GABBR2: variants seen among roughly 807,000 people sequenced by gnomAD.
GABBR2 encodes the protein gamma-aminobutyric acid type B receptor subunit 2.
GABBR2 carries 23 observed loss-of-function variants against 105.6 expected under a neutral mutation model. The ratio of observed to expected loss-of-function variants is 0.22; its 90% CI spans 0.16 to 0.31. The LOEUF is 0.31. GABBR2 is among the 10% of genes least tolerant of loss of function. GABBR2 has a pLI of 1.00. For synonymous variants in GABBR2, 478 were observed against 499.7 expected (o/e 0.96, Z 0.58); for missense variants, 734 against 1,245.5 (o/e 0.59, Z 6.18).
intron 1 of GABBR2, among the ~76,000 whole-genome samples, chr9:98,606,662 TAG>T (rs1219031733): frequency 2.0e-5 from 3 of 151,974 alleles, no homozygotes; most frequent in African/African-American, 7.2e-5. Context: ...GTATTTTTAG[TAG>T]AGACAGGATT....
intron 1 of GABBR2, among the ~76,000 whole-genome samples, chr9:98,699,286 G>C (rs1243869943): frequency 6.6e-6 from 1 of 152,138 alleles, no homozygotes; most frequent in African/African-American, 2.4e-5. Context: ...ATATTTGTCA[G>C]AGACGAAGAA....
At chr9:98,313,898 A>G (rs1361237972) in intron 13 of GABBR2, among the ~76,000 whole-genome samples, 2 of 152,020 alleles carry the variant, frequency 1.3e-5, no homozygotes, top group Non-Finnish European at 2.9e-5. Flanking sequence ...GAGGTGGGGG[A>G]AAGATGGTGC....
chr9:98,568,014 G>T (rs978446695), intron 2 of GABBR2, among the ~76,000 whole-genome samples: 6 of 152,174 alleles, frequency 3.9e-5, no homozygotes, highest in African/African-American at 1.4e-4. Context: ...ATGAATGATT[G>T]GATGGATGGA....
Position 98,550,555 on chromosome 9 carries a change from A to C in GABBR2, c.460-8512T>G, listed in dbSNP as rs573137014. Among the ~76,000 whole-genome samples the C allele has an allele frequency of 2.0e-5, 3 of 152,298 alleles. No homozygotes were observed. The East Asian group carries it at 5.8e-4, about 29-fold the overall frequency. On this transcript the variant is annotated intron_variant, in intron 2 of 18. Transcript: ENST00000259455. ...ACCACAGCCCCTCAGAAATGATACA[A>C]GCCCCTCAGTCTGAATCCCAGAGAC...
At chr9:98,373,729 T>C (rs1449643502) in intron 11 of GABBR2, among the ~76,000 whole-genome samples, 2 of 152,126 alleles carry the variant, frequency 1.3e-5, no homozygotes, top group Admixed American at 1.3e-4. Flanking sequence ...CAAATGACCA[T>C]ATACAGACCA....
intron 11 of GABBR2, among the ~76,000 whole-genome samples, chr9:98,373,105 G>C (rs10986044): frequency 0.067 from 10,211 of 152,056 alleles, 725 homozygotes; most frequent in African/African-American, 0.17. Context: ...TACAAAACAG[G>C]GAGGGGGAAA....
chr9:98,427,862 T>C (rs192849358), intron 7 of GABBR2, among the ~76,000 whole-genome samples: 1 of 152,140 alleles, frequency 6.6e-6, no homozygotes. Context: ...ATAGCCAGCA[T>C]CCACTTGCCA....
At chr9:98,525,010 TAACTC>T (rs1376253819) in intron 3 of GABBR2, among the ~76,000 whole-genome samples, 1 of 152,144 alleles carries the variant, frequency 6.6e-6, no homozygotes, top group Non-Finnish European at 1.5e-5. Flanking sequence ...ATATAAAAGT[TAACTC>T]AAAAGAGATC....
chr9:98,588,751 C>A (rs2131792905), intron 1 of GABBR2, among the ~76,000 whole-genome samples: 1 of 152,178 alleles, frequency 6.6e-6, no homozygotes, highest in Admixed American at 6.5e-5. Context: ...CTCCCCCCGA[C>A]AATTAGGTGT....
intron 14 of GABBR2, among the ~76,000 whole-genome samples, chr9:98,308,683 G>A (rs1214859597): frequency 1.3e-5 from 2 of 152,160 alleles, no homozygotes; most frequent in Non-Finnish European, 2.9e-5. Flanking sequence ...CACAAGCCAA[G>A]GCATGCCTGG....
intron 3 of GABBR2, among the ~76,000 whole-genome samples, chr9:98,531,984 C>A (rs999654378): frequency 1.3e-5 from 2 of 152,164 alleles, no homozygotes; most frequent in African/African-American, 4.8e-5. Context: ...GTGCACCACC[C>A]GTGTAAGCAT....
intron 1 of GABBR2, among the ~76,000 whole-genome samples, chr9:98,606,489 T>C (rs1355014372): frequency 7.5e-6 from 1 of 133,502 alleles, no homozygotes; most frequent in African/African-American, 2.7e-5. Context: ...TTTTCTTTTT[T>C]TTTTTTTTTG....
At chr9:98,316,421 G>A (rs1830718796) in intron 13 of GABBR2, among the ~76,000 whole-genome samples, 1 of 152,120 alleles carries the variant, frequency 6.6e-6, no homozygotes, top group Admixed American at 6.5e-5. Flanking sequence ...CAAAGTGCTG[G>A]GATTACAGAC....
intron 7 of GABBR2, among the ~76,000 whole-genome samples, chr9:98,441,511 G>A (rs1201938059): frequency 6.6e-6 from 1 of 152,164 alleles, no homozygotes; most frequent in Non-Finnish European, 1.5e-5. Context: ...GGGATTACAG[G>A]TGTGTGCCAT....
At chr9:98,549,498 C>T (rs930574177) in intron 2 of GABBR2, among the ~76,000 whole-genome samples, 4 of 152,194 alleles carry the variant, frequency 2.6e-5, no homozygotes, top group South Asian at 2.1e-4. Flanking sequence ...CCCTCTTTCA[C>T]GTTGTTCAGA....
Position 98,303,237 on chromosome 9 carries a change from G to C in GABBR2, c.2412+4C>G. On this transcript the variant is annotated splice_donor_region_variant and intron_variant, in intron 16 of 18. Transcript: ENST00000259455. Reference sequence around the variant, plus strand: ...GCCCAGCTACCAGATGCAGAGGGAGGTACCTCTGTGATCTTCATTCGCAGG... The same window carrying C: ...GCCCAGCTACCAGATGCAGAGGGAGCTACCTCTGTGATCTTCATTCGCAGG... 6.2e-7 allele frequency: 1 copy of C among 1,611,292 alleles called. No individual in the cohort carries two copies. The highest frequency in any genetic ancestry group is 1.7e-4 in the Middle Eastern group (1 of 5,806).
At chr9:98,563,528 G>T (rs566918876) in intron 2 of GABBR2, among the ~76,000 whole-genome samples, 1 of 152,240 alleles carries the variant, frequency 6.6e-6, no homozygotes, top group Non-Finnish European at 1.5e-5. Context: ...CTGTGCCAAA[G>T]GTCCCTGTGC....
intron 1 of GABBR2, among the ~76,000 whole-genome samples, chr9:98,650,908 G>T (rs1377009819): frequency 6.6e-6 from 1 of 152,150 alleles, no homozygotes; most frequent in Non-Finnish European, 1.5e-5. Flanking sequence ...GTTTCCAGGA[G>T]CCAGGAAGAG....
intron 3 of GABBR2, among the ~76,000 whole-genome samples, chr9:98,537,354 G>A (rs1364142010): frequency 2.0e-5 from 3 of 152,282 alleles, no homozygotes; most frequent in Middle Eastern, 3.4e-3. Flanking sequence ...ACTATTCCTG[G>A]GGCTGGGGGG....
Sources: gnomAD v4.1 joint callset for allele counts (sites outside exome capture counted in the v4.1 genomes callset) on GRCh38, gnomAD v4.1.1 for gene constraint, MANE v1.5 for transcripts, NCBI Gene and HGNC (gene_info 2026-07-23, HGNC 2026-07-21) for gene names.